Variants in ATP10B observed in about 807,000 individuals in gnomAD.
ATP10B encodes the protein phospholipid-transporting ATPase VB.
Under a neutral mutation model 141.2 loss-of-function variants are expected in ATP10B, and 122 were observed. The ratio of observed to expected loss-of-function variants is 0.86; its 90% CI spans 0.75 to 1.00. The LOEUF (loss-of-function observed/expected upper bound fraction) is 1.00. ATP10B is among the 50% of genes least tolerant of loss of function. The pLI, the probability that ATP10B is intolerant of heterozygous loss-of-function variation, is 0.00. For synonymous variants in ATP10B, 685 were observed against 692.0 expected (o/e 0.99, Z 0.16); for missense variants, 1,876 against 1,825.3 (o/e 1.03, Z -0.51).
At chr5:160,819,430 G>A (rs2127959459) in intron 1 of ATP10B, among the ~76,000 whole-genome samples, 1 of 152,140 alleles carries the variant, frequency 6.6e-6, no homozygotes, top group South Asian at 2.1e-4. Flanking sequence ...AGTATTAAAG[G>A]GACTACTCCC....
chr5:160,828,704 T>G (rs1219642456), intron 1 of ATP10B, among the ~76,000 whole-genome samples: 1 of 151,940 alleles, frequency 6.6e-6, no homozygotes. Flanking sequence ...ATCCCATTAC[T>G]GGGTATGTAC....
intron 7 of ATP10B, among the ~76,000 whole-genome samples, chr5:160,653,188 T>C (rs1398694020): frequency 7.5e-6 from 1 of 133,526 alleles, no homozygotes; most frequent in East Asian, 2.1e-4. Flanking sequence ...ATATATTATA[T>C]ATACAATATA....
At chr5:160,746,036 G>A (rs1406202152) in intron 2 of ATP10B, among the ~76,000 whole-genome samples, 2 of 152,324 alleles carry the variant, frequency 1.3e-5, no homozygotes, top group South Asian at 2.1e-4. Flanking sequence ...ATTGGAATGA[G>A]GACTAATTGT....
At chr5:160,739,585 A>G (rs986771524) in intron 2 of ATP10B, among the ~76,000 whole-genome samples, 1 of 152,234 alleles carries the variant, frequency 6.6e-6, no homozygotes, top group Non-Finnish European at 1.5e-5. Flanking sequence ...AAATGTAATA[A>G]AAATGTGCAA....
rs2127651088 is a variant in ATP10B, at chr5:160,622,412, G to A, written c.1794C>T (p.Thr598=). Residue 598 remains threonine, a synonymous_variant, in exon 14 of 26, where the codon ACC becomes ACT. Transcript: ENST00000327245. The part of the protein sequence containing the change: ...TICNSVMVST[T]TEPRQRVTIK... ...TCCTTACCCTCTGCCTGGGCTCGGT[G>A]GTTGTGGACACCATGACAGAGTTGC... 6.2e-7 allele frequency: 1 copy of A among 1,613,534 alleles called. No homozygotes were observed. Among genetic ancestry groups the A allele is most frequent in the Non-Finnish European group, 8.5e-7 (1 of 1,179,858 alleles).
intron 1 of ATP10B, among the ~76,000 whole-genome samples, chr5:160,839,807 CA>C (rs527307075): frequency 1.0e-3 from 154 of 151,932 alleles, no homozygotes; most frequent in African/African-American, 3.6e-3. Flanking sequence ...GTTTACTAGG[CA>C]AATGAAAACA....
chr5:160,565,579 T>A lies in ATP10B; in HGVS notation c.4260A>T (p.Gln1420His), dbSNP rs768749730. The A allele has an allele frequency of 3.3e-5, 53 of 1,613,876 alleles. No individual in the cohort carries two copies. In the African/African-American group the frequency reaches 6.4e-4, roughly 20 times the overall value. The change falls in exon 26 of 26, where the codon CAA (glutamine) becomes CAT (histidine). Residue 1420 changes from glutamine (Q) to histidine (H), a missense_variant. Physicochemically the swap from Gln to His is conservative, Grantham distance 24 (BLOSUM62 0). Coordinates refer to ENST00000327245, the MANE Select transcript of ATP10B (RefSeq NM_025153.3). ...DDSCSGDSSA[Q>H]LSSGEHLLGP... ...CCAGCAGGTGCTCCCCGGATGAGAGTTGAGCTGAGGAGTCCCCTGAGCATG... is the reference window on the plus strand; with the variant it reads ...CCAGCAGGTGCTCCCCGGATGAGAGATGAGCTGAGGAGTCCCCTGAGCATG...
chr5:160,705,804 T>C (rs537936694), intron 3 of ATP10B, among the ~76,000 whole-genome samples: 8 of 152,356 alleles, frequency 5.3e-5, no homozygotes, highest in Middle Eastern at 3.4e-3. Flanking sequence ...ATTCACAACT[T>C]GGTCAACTAT....
intron 7 of ATP10B, among the ~76,000 whole-genome samples, chr5:160,662,431 C>A (rs1473083871): frequency 2.6e-5 from 4 of 152,202 alleles, no homozygotes; most frequent in African/African-American, 9.7e-5. Flanking sequence ...CAGCACGGTA[C>A]TGGTACCAAA....
the ATP10B span, among the ~76,000 whole-genome samples, chr5:160,890,572 A>T: frequency 1.3e-5 from 2 of 152,140 alleles, no homozygotes; most frequent in Non-Finnish European, 2.9e-5. Flanking sequence ...TCACTTAGCA[A>T]TGTTTCTGAA....
rs1758116442 is a variant in ATP10B, at chr5:160,617,917, G to A, written c.2473C>T (p.His825Tyr). The A allele has an allele frequency of 6.2e-7, 1 of 1,614,076 alleles. No homozygotes were observed. Among genetic ancestry groups the A allele is most frequent in the Admixed American group, 1.7e-5 (1 of 60,010 alleles). ...CCATCTCTTGCATACAAGTCTAGAT[G>A]CTTTTGGGTCCGGGCTCGGATTTTT... ...LRKIRARTQK[H>Y]LDLYARDGLR... Residue 825 changes from histidine to tyrosine, a missense_variant, in exon 16 of 26, where the codon CAT becomes TAT. His to Tyr is a moderately conservative substitution (Grantham distance 83, BLOSUM62 2). Transcript: ENST00000327245.
At chr5:160,654,896 A>G (rs542574380) in intron 7 of ATP10B, among the ~76,000 whole-genome samples, 4 of 152,322 alleles carry the variant, frequency 2.6e-5, no homozygotes, top group African/African-American at 9.6e-5. Flanking sequence ...ATTGAGGCTT[A>G]GGGAAAATCT....
intron 8 of ATP10B, among the ~76,000 whole-genome samples, chr5:160,647,803 C>A (rs149268646): frequency 3.3e-5 from 5 of 152,268 alleles, no homozygotes; most frequent in Non-Finnish European, 7.3e-5. Flanking sequence ...TGCTTGTCTC[C>A]TTCTGCTCGC....
Position 160,845,817 on chromosome 5 carries a change from A to G in ATP10B, c.-576+6124T>C, listed in dbSNP as rs563597431. On this transcript the variant is annotated intron_variant, in intron 1 of 25. Coordinates refer to ENST00000327245, the MANE Select transcript of ATP10B (RefSeq NM_025153.3). ...TCTCTAATTCTCTAGTGCTTCAAAT[A>G]TGATGACACCAAAGACTGTTAATTA... is the stretch of plus-strand genomic sequence containing the variant. Among the ~76,000 whole-genome samples the G allele has an allele frequency of 3.3e-5, 5 of 152,286 alleles. No individual in the cohort carries two copies. The East Asian group carries it at 9.6e-4, about 29-fold the overall frequency.
intron 2 of ATP10B, among the ~76,000 whole-genome samples, chr5:160,775,384 G>A (rs1256394799): frequency 1.3e-5 from 2 of 152,156 alleles, no homozygotes; most frequent in Non-Finnish European, 2.9e-5. Flanking sequence ...TGCTTTCTTT[G>A]CTTTGTTTTC....
rs192968115 is a variant in ATP10B at position 160,814,923 on chromosome 5, A to G, written c.-575-29120T>C. 8.5e-4 allele frequency among the ~76,000 whole-genome samples: 129 copies of G among 152,344 alleles called. No individual in the cohort carries two copies. The South Asian group carries it at 0.017, about 20-fold the overall frequency. On this transcript the variant is annotated intron_variant, in intron 1 of 25. Transcript: ENST00000327245. The stretch of plus-strand genomic sequence containing the variant: ...GAAGGAGAAATAAAATCCTTTACAG[A>G]GAAGCAAATGCTGAGAGATTTTGTC...
chr5:160,833,728 G>A (rs1775250524), intron 1 of ATP10B, among the ~76,000 whole-genome samples: 1 of 152,136 alleles, frequency 6.6e-6, no homozygotes, highest in African/African-American at 2.4e-5. Flanking sequence ...AAATTTAGCT[G>A]AGAAATGAAA....
intron 6 of ATP10B, chr5:160,684,763 A>T (rs1432942433): frequency 1.6e-6 from 1 of 616,410 alleles, no homozygotes; most frequent in Non-Finnish European, 2.9e-6. Flanking sequence ...TTCTACAAAC[A>T]GTAACTGCAG....
At chr5:160,702,546 T>G (rs2127762293) in intron 3 of ATP10B, among the ~76,000 whole-genome samples, 1 of 152,350 alleles carries the variant, frequency 6.6e-6, no homozygotes, top group Admixed American at 6.5e-5. Context: ...TTGCCTCTCC[T>G]GACACAAGAA....
Sources: gnomAD v4.1 joint callset for allele counts (sites outside exome capture counted in the v4.1 genomes callset) on GRCh38, gnomAD v4.1.1 for gene constraint, MANE v1.5 for transcripts, NCBI Gene and HGNC (gene_info 2026-07-23, HGNC 2026-07-21) for gene names.